CDH19: variants seen among roughly 807,000 people sequenced by gnomAD.
CDH19 encodes cadherin 19.
In CDH19, 67 loss-of-function variants were observed where a neutral mutation model predicts 64.2. The observed-to-expected ratio is 1.04, with a 90% CI of 0.86 to 1.28. The LOEUF (loss-of-function observed/expected upper bound fraction) is 1.28. CDH19 is among the 50% of genes most tolerant of loss of function. The pLI, the probability that CDH19 is intolerant of heterozygous loss-of-function variation, is 0.00. For missense variants in CDH19, 1,030 were observed against 929.0 expected (o/e 1.11, Z -1.41); for synonymous variants, 346 against 319.3 (o/e 1.08, Z -0.89).
Position 66,509,227 on chromosome 18 carries a change from C to A in CDH19, c.1596G>T (p.Leu532Phe). Residue 532 changes from leucine to phenylalanine, a missense_variant, in exon 11 of 12, where the codon TTG (leucine) becomes TTT (phenylalanine). Coordinates refer to ENST00000262150, the MANE Select transcript of CDH19 (RefSeq NM_021153.4). The part of the protein sequence containing the change: ...IDNQDNTAVI[L>F]TNRTGFNLQE... ...GAAGGTTAAAACCAGTTCTATTAGT[C>A]AAAATGACAGCTGTGTTATCTAAAA... 2 of 1,612,182 alleles carry A rather than the reference C, an allele frequency of 1.2e-6. No homozygotes were observed. Among genetic ancestry groups the A allele is most frequent in the South Asian group, 1.1e-5 (1 of 91,004 alleles).
At chr18:66,582,958 G>A (rs1988467946) in intron 1 of CDH19, among the ~76,000 whole-genome samples, 1 of 152,168 alleles carries the variant, frequency 6.6e-6, no homozygotes, top group South Asian at 2.1e-4. Flanking sequence ...TTAAATAAAT[G>A]CTGGTGAAAT....
chr18:66,554,660 G>T (rs1252922689), intron 3 of CDH19, 136 bp from the exon 4 acceptor site: 3 of 576,944 alleles, frequency 5.2e-6, no homozygotes, highest in Non-Finnish European at 8.4e-6. Context: ...GTTCTTAATT[G>T]TAAAAGTAAT....
intron 9 of CDH19, among the ~76,000 whole-genome samples, chr18:66,515,786 T>C (rs1024484498): frequency 6.6e-6 from 1 of 151,800 alleles, no homozygotes; most frequent in East Asian, 1.9e-4. Flanking sequence ...TCAGCATGTA[T>C]ATGGAAAAAT....
At chr18:66,541,661 A>G (rs545134658) in intron 7 of CDH19, among the ~76,000 whole-genome samples, 143 of 152,286 alleles carry the variant, frequency 9.4e-4, no homozygotes, top group African/African-American at 3.0e-3. Flanking sequence ...TGATCCTAAC[A>G]TATGTATGAA....
At chr18:66,590,551 T>G (rs1988714114) in intron 1 of CDH19, among the ~76,000 whole-genome samples, 1 of 151,560 alleles carries the variant, frequency 6.6e-6, no homozygotes, top group Middle Eastern at 3.4e-3. Context: ...AAAATGCATG[T>G]AGAAGTTGGT....
chr18:66,591,221 T>C (rs964001898), intron 1 of CDH19, among the ~76,000 whole-genome samples: 1 of 151,906 alleles, frequency 6.6e-6, no homozygotes, highest in African/African-American at 2.4e-5. Flanking sequence ...ATATATCAAG[T>C]GTTTAATAAA....
intron 4 of CDH19, among the ~76,000 whole-genome samples, chr18:66,552,560 G>C (rs1195467664): frequency 1.1e-5 from 1 of 95,012 alleles, no homozygotes; most frequent in Non-Finnish European, 1.9e-5. Flanking sequence ...TGACTCAGGG[G>C]AGAGGGACCT....
rs553303320 is a variant in CDH19, at chr18:66,591,158, C to T, written c.-113+12796G>A. ...CTGCAAGACGATTTAATAAATGTAA[C>T]CTCTAGATCTTCTGGATAAATCCCA... On this transcript the variant is annotated intron_variant, in intron 1 of 11. Transcript: ENST00000262150. Among the ~76,000 whole-genome samples the T allele has an allele frequency of 7.2e-5, 11 of 151,928 alleles. 1 individual carries two copies. Among genetic ancestry groups the T allele is most frequent in the African/African-American group, 2.7e-4 (11 of 41,504 alleles).
chr18:66,533,213 TACACACACACAC>T (rs35376051), intron 8 of CDH19, among the ~76,000 whole-genome samples: 4 of 148,940 alleles, frequency 2.7e-5, no homozygotes, highest in Non-Finnish European at 6.0e-5. Flanking sequence ...TAGGATTTAT[TACACACACACAC>T]ACACACACAC....
intron 9 of CDH19, among the ~76,000 whole-genome samples, chr18:66,515,138 T>C (rs1159808692): frequency 1.3e-5 from 2 of 151,684 alleles, no homozygotes; most frequent in African/African-American, 4.8e-5. Context: ...AGAAAAATGT[T>C]AAACAAAAAG....
In CDH19 at chr18:66,535,091, T is replaced by C; in HGVS notation, c.1231A>G (p.Ser411Gly). ...KSPIRYSITR[S>G]KVFNINDNGT... ...TTATCATTGATATTGAACACTTTGCTCCTAGTAATAGAATACCTGAACCAA... is the reference window on the plus strand; with the variant it reads ...TTATCATTGATATTGAACACTTTGCCCCTAGTAATAGAATACCTGAACCAA... The change falls in exon 8 of 12, where the codon AGC (serine) becomes GGC (glycine). Residue 411 changes from serine to glycine, a missense_variant. By Grantham distance (56) the Ser-to-Gly change is moderately conservative. Coordinates refer to ENST00000262150, the MANE Select transcript of CDH19 (RefSeq NM_021153.4). 1 of 1,484,606 alleles carries C rather than the reference T, an allele frequency of 6.7e-7. No homozygotes were observed. Among genetic ancestry groups the C allele is most frequent in the Non-Finnish European group, 9.1e-7 (1 of 1,095,582 alleles). 92.0% of individuals were successfully genotyped at this position (1,484,606 alleles called of 1,614,324 possible).
intron 1 of CDH19, among the ~76,000 whole-genome samples, chr18:66,590,060 A>G (rs891513662): frequency 2.6e-5 from 4 of 151,922 alleles, no homozygotes; most frequent in Non-Finnish European, 4.4e-5. Flanking sequence ...ATGTAGACAA[A>G]TAAGGGTTAG....
chr18:66,589,887 A>G lies in CDH19; in HGVS notation c.-113+14067T>C, dbSNP rs555614266. ...ATGAACTGAGTGAAATATAAAAATC[A>G]TTTGATCCAGGCCTGCAAAAGCACT... On this transcript the variant is annotated intron_variant, in intron 1 of 11. Transcript: ENST00000262150. 2.0e-5 allele frequency among the ~76,000 whole-genome samples: 3 copies of G among 152,082 alleles called. No homozygotes were observed. In the East Asian group the frequency reaches 5.8e-4, roughly 29 times the overall value.
chr18:66,566,148 C>G (rs1333779290), intron 3 of CDH19, among the ~76,000 whole-genome samples: 3 of 151,918 alleles, frequency 2.0e-5, no homozygotes, highest in Admixed American at 6.6e-5. Context: ...TTTACCCATG[C>G]TCTCTCAATT....
intron 3 of CDH19, among the ~76,000 whole-genome samples, chr18:66,558,176 T>C (rs1208161574): frequency 3.4e-5 from 5 of 148,242 alleles, no homozygotes; most frequent in Non-Finnish European, 1.5e-5. Context: ...TATATATATA[T>C]ATAATATATA....
intron 8 of CDH19, among the ~76,000 whole-genome samples, chr18:66,534,672 A>G (rs1986588662): frequency 6.6e-6 from 1 of 151,970 alleles, no homozygotes; most frequent in Admixed American, 6.6e-5. Flanking sequence ...AAAATTTACA[A>G]CCCGAAAACG....
intron 3 of CDH19, among the ~76,000 whole-genome samples, chr18:66,562,537 G>T (rs1256918386): frequency 1.3e-5 from 2 of 152,026 alleles, no homozygotes; most frequent in Non-Finnish European, 2.9e-5. Flanking sequence ...CTGCTGTGCA[G>T]CCCGGTTCCT....
chr18:66,501,308 T>C lies in CDH19; in HGVS notation c.*3504A>G, dbSNP rs1167793812. On this transcript the variant is annotated 3_prime_UTR_variant, in exon 12 of 12. Transcript: ENST00000262150. ...TTAAGGGTTACATTCTAATAAGCGA[T>C]AAAGACAACAATAATACCAGGGAGC... 1 of 152,124 alleles carries C rather than the reference T, an allele frequency of 6.6e-6. No homozygotes were observed. The highest frequency in any genetic ancestry group is 2.1e-4 in the South Asian group (1 of 4,834). 9.4% of individuals were successfully genotyped at this position (152,124 alleles called of 1,614,324 possible). A position where few individuals can be genotyped will look rare whatever the true frequency, so the allele number is the denominator to read the frequency against.
Position 66,553,034 on chromosome 18 carries a change from G to A in CDH19, c.610+1371C>T, listed in dbSNP as rs777767710. 2.7e-4 allele frequency among the ~76,000 whole-genome samples: 36 copies of A among 133,684 alleles called. 1 individual carries two copies. Among genetic ancestry groups the A allele is most frequent in the Middle Eastern group, 3.6e-3 (1 of 278 alleles). 87.7% of individuals were successfully genotyped at this position (133,684 alleles called of 152,430 possible). ...GACTCAGCTAAACTTTCTGATTTCC[G>A]TGTATTCTGCCTTGACCACACAACA... On this transcript the variant is annotated intron_variant, in intron 4 of 11. Coordinates refer to ENST00000262150, the MANE Select transcript of CDH19 (RefSeq NM_021153.4).
Sources: gnomAD v4.1 joint callset for allele counts (sites outside exome capture counted in the v4.1 genomes callset) on GRCh38, gnomAD v4.1.1 for gene constraint, MANE v1.5 for transcripts, NCBI Gene and HGNC (gene_info 2026-07-23, HGNC 2026-07-21) for gene names.